Variants in NNT observed in about 807,000 individuals in gnomAD.
NNT encodes nicotinamide nucleotide transhydrogenase, also known as NAD(P) transhydrogenase, mitochondrial.
Under a neutral mutation model 104.8 loss-of-function variants are expected in NNT, and 50 were observed. The ratio of observed to expected loss-of-function variants is 0.48; its 90% confidence interval spans 0.38 to 0.60. The LOEUF is 0.60. Ranked by LOEUF, NNT falls within the 20% of genes least tolerant of loss-of-function variation. The pLI is 0.00. For synonymous variants in NNT, 461 were observed against 490.4 expected, an observed-to-expected ratio of 0.94 and a Z score of 0.79; for missense variants, 1,131 against 1,330.7, an observed-to-expected ratio of 0.85 and a Z score of 2.33.
At position 43,706,685 on chromosome 5, in the gene NNT, A is replaced by C. The variant is rs947009588; in HGVS notation, c.*2281A>C. The C allele has an allele frequency of 6.6e-6, 1 of 152,238 alleles. No individual in the cohort carries two copies. Among genetic ancestry groups the C allele is most frequent in the African/African-American group, 2.4e-5 (1 of 41,456 alleles). The allele number at this position is 152,238 out of a possible 1,614,324, so 9.4% of individuals were successfully genotyped here. A position where few individuals can be genotyped will look rare whatever the true frequency, so the allele number is the denominator to read the frequency against. On this transcript the variant is annotated 3_prime_UTR_variant, in exon 22 of 22. Coordinates refer to ENST00000344920, the MANE Select transcript of NNT (RefSeq NM_182977.3). Reference sequence around the variant, plus strand: ...ACACATGCACACGTATGTTTATTGCAGCACTATTCACAATAGCAAAGACTT... The same window carrying C: ...ACACATGCACACGTATGTTTATTGCCGCACTATTCACAATAGCAAAGACTT...
chr5:43,699,004 C>T (rs954682011), intron 19 of NNT, among the ~76,000 whole-genome samples: 3 of 151,768 alleles, frequency 2.0e-5, no homozygotes, highest in African/African-American at 7.3e-5. Context: ...ATAGTATAAA[C>T]TGCATTTATT....
intron 3 of NNT, among the ~76,000 whole-genome samples, chr5:43,614,342 T>G (rs974970071): frequency 1.3e-5 from 2 of 152,212 alleles, no homozygotes; most frequent in Non-Finnish European, 2.9e-5. Flanking sequence ...GGGCCTCTCA[T>G]TTGAGCCAAG....
At chr5:43,697,551 A>T (rs1391995480) in intron 19 of NNT, among the ~76,000 whole-genome samples, 2 of 152,200 alleles carry the variant, frequency 1.3e-5, no homozygotes, top group Non-Finnish European at 2.9e-5. Context: ...CCTTACACCC[A>T]GTACCAATTT....
chr5:43,630,715 C>T (rs565480739), intron 7 of NNT, among the ~76,000 whole-genome samples: 2 of 152,318 alleles, frequency 1.3e-5, no homozygotes, highest in South Asian at 4.1e-4. Flanking sequence ...AGTGAAGAAA[C>T]TGTCCACCTT....
At chr5:43,692,934 G>C (rs1164643520) in intron 19 of NNT, among the ~76,000 whole-genome samples, 1 of 152,062 alleles carries the variant, frequency 6.6e-6, no homozygotes, top group Non-Finnish European at 1.5e-5. Context: ...TGTGCATTTT[G>C]CTTTGTTTGC....
intron 19 of NNT, among the ~76,000 whole-genome samples, chr5:43,685,619 G>C (rs1467893239): frequency 6.6e-6 from 1 of 152,120 alleles, no homozygotes; most frequent in Non-Finnish European, 1.5e-5. Context: ...CTGTTGAATT[G>C]GGATGCTTGA....
At chr5:43,615,642 C>T (rs1261862198) in intron 3 of NNT, among the ~76,000 whole-genome samples, 1 of 152,128 alleles carries the variant, frequency 6.6e-6, no homozygotes, top group Non-Finnish European at 1.5e-5. Context: ...TTACTCAGAG[C>T]AGTCCACAGG....
chr5:43,646,651 C>T (rs1055849861), intron 10 of NNT, among the ~76,000 whole-genome samples: 4 of 152,116 alleles, frequency 2.6e-5, no homozygotes, highest in East Asian at 3.9e-4. Context: ...AATATAATTA[C>T]GTTTTTTTCT....
chr5:43,666,033 T>C (rs1740645046), intron 17 of NNT, among the ~76,000 whole-genome samples: 1 of 146,542 alleles, frequency 6.8e-6, no homozygotes, highest in Non-Finnish European at 1.5e-5. Flanking sequence ...TCCCAGACGA[T>C]GGGCGGCCGG....
intron 19 of NNT, among the ~76,000 whole-genome samples, chr5:43,694,083 C>T (rs1742430208): frequency 6.6e-6 from 1 of 152,076 alleles, no homozygotes; most frequent in Non-Finnish European, 1.5e-5. Context: ...CTAGAGTTGG[C>T]TATTGTTTGT....
rs779664933 is a variant in NNT at position 43,675,563 on chromosome 5, C to T, written c.2687C>T (p.Ser896Leu). Residue 896 changes from serine to leucine, a missense_variant, in exon 18 of 22, where the codon TCA becomes TTA. Ser to Leu is a moderately radical substitution (Grantham distance 145). Coordinates refer to ENST00000344920, the MANE Select transcript of NNT (RefSeq NM_182977.3). Reference protein sequence around the residue: ...NVILGGYGTTSTAGGKPMEIS... With the variant: ...NVILGGYGTTLTAGGKPMEIS... Reference sequence around the variant, plus strand: ...ATTCTTGGAGGCTATGGCACCACTTCAACAGCTGGTGGAAAACCCATGGAA... The same window carrying T: ...ATTCTTGGAGGCTATGGCACCACTTTAACAGCTGGTGGAAAACCCATGGAA... 5.6e-6 allele frequency: 9 copies of T among 1,613,648 alleles called. No homozygotes were observed. Among genetic ancestry groups the T allele is most frequent in the Non-Finnish European group, 6.8e-6 (8 of 1,179,860 alleles).
intron 10 of NNT, chr5:43,648,054 CAT>C: frequency 8.2e-7 from 1 of 1,219,626 alleles, no homozygotes; most frequent in Non-Finnish European, 1.1e-6. Flanking sequence ...CTTAAGAAAA[CAT>C]ATTCTTATTC....
intron 14 of NNT, 171 bp downstream of exon 14, chr5:43,653,384 G>C: frequency 1.6e-6 from 1 of 617,394 alleles, no homozygotes; most frequent in Non-Finnish European, 2.7e-6. Context: ...ATACATTTTA[G>C]AACACTGAAT....
At chr5:43,620,334 C>G (rs1171761997) in intron 5 of NNT, among the ~76,000 whole-genome samples, 1 of 152,170 alleles carries the variant, frequency 6.6e-6, no homozygotes. Context: ...ATTCTCCTGC[C>G]TCAGCCTCCT....
In NNT at chr5:43,705,497, T is replaced by C. The variant is rs1049409430; in HGVS notation, c.*1093T>C. 2.6e-5 allele frequency: 4 copies of C among 152,098 alleles called. No individual in the cohort carries two copies. The highest frequency in any genetic ancestry group is 5.9e-5 in the Non-Finnish European group (4 of 67,982). The allele number at this position is 152,098 out of a possible 1,614,324, so 9.4% of individuals were successfully genotyped here. A position where few individuals can be genotyped will look rare whatever the true frequency, so the allele number is the denominator to read the frequency against. ...AAGATCATGTCTTTTTATAGAAGTG[T>C]AGATTTTCTTTGTGACTTTGCTATC... On this transcript the variant is annotated 3_prime_UTR_variant, in exon 22 of 22. Coordinates refer to ENST00000344920, the MANE Select transcript of NNT (RefSeq NM_182977.3).
intron 17 of NNT, among the ~76,000 whole-genome samples, chr5:43,666,452 C>T (rs535084507): frequency 2.0e-5 from 3 of 152,280 alleles, no homozygotes; most frequent in East Asian, 1.9e-4. Flanking sequence ...ACCAGTCAGG[C>T]GTGGCAGCGC....
rs757572231 is a variant in NNT, at chr5:43,704,322, C to T, written c.3179C>T (p.Pro1060Leu). The part of the protein sequence containing the change: ...AAVDNPIFYK[P>L]NTAMLLGDAK... ...GTGGACAATCCAATCTTCTACAAAC[C>T]TAACACGGCCATGCTTCTAGGTGAT... Residue 1060 changes from proline to leucine, a missense_variant, in exon 22 of 22, where the codon CCT (proline) becomes CTT (leucine). Coordinates refer to ENST00000344920, the MANE Select transcript of NNT (RefSeq NM_182977.3). 1.1e-5 allele frequency: 17 copies of T among 1,611,764 alleles called. No individual in the cohort carries two copies. The highest frequency in any genetic ancestry group is 1.4e-5 in the Non-Finnish European group (16 of 1,179,016).
chr5:43,605,282 C>T (rs534390292), intron 1 of NNT, among the ~76,000 whole-genome samples: 1 of 150,836 alleles, frequency 6.6e-6, no homozygotes. Flanking sequence ...TTTGGGAGGC[C>T]GAGGCGGGTG....
At chr5:43,703,378 C>T (rs917222654) in intron 21 of NNT, among the ~76,000 whole-genome samples, 9 of 152,050 alleles carry the variant, frequency 5.9e-5, no homozygotes, top group South Asian at 2.1e-4. Context: ...CATTTAATTT[C>T]GTTTCTTTTT....
Sources: gnomAD v4.1 joint callset for allele counts (sites outside exome capture counted in the v4.1 genomes callset) on GRCh38, gnomAD v4.1.1 for gene constraint, MANE v1.5 for transcripts, NCBI Gene and HGNC (gene_info 2026-07-23, HGNC 2026-07-21) for gene names.